Variants in RBPJ observed in about 807,000 individuals in gnomAD.
The protein encoded by RBPJ is recombining binding protein suppressor of hairless.
Under a neutral mutation model 67.8 loss-of-function variants are expected in RBPJ, and 9 were observed. That is an observed-to-expected ratio of 0.13 (90% CI 0.08 to 0.23). The LOEUF (loss-of-function observed/expected upper bound fraction) is 0.23. Among genes scored for constraint, RBPJ ranks in the 10% least tolerant of loss-of-function variants. The pLI is 1.00. For synonymous variants in RBPJ, 198 were observed against 203.3 expected (o/e 0.97, Z 0.22); for missense variants, 305 against 595.6 (o/e 0.51, Z 5.08).
At chr4:26,226,686 A>G (rs1438444921) in intron 1 of RBPJ, among the ~76,000 whole-genome samples, 1 of 152,182 alleles carries the variant, frequency 6.6e-6, no homozygotes, top group African/African-American at 2.4e-5. Flanking sequence ...TGCCTTAAAA[A>G]TGTGTTCACT....
intron 1 of RBPJ, among the ~76,000 whole-genome samples, chr4:26,250,363 A>C: frequency 1.7e-5 from 2 of 120,642 alleles, no homozygotes; most frequent in African/African-American, 3.3e-5. Context: ...ATGGAGTCTC[A>C]CTCTGTCACC....
intron 1 of RBPJ, among the ~76,000 whole-genome samples, chr4:26,363,553 C>T (rs1391386814): frequency 6.6e-6 from 1 of 152,206 alleles, no homozygotes; most frequent in African/African-American, 2.4e-5. Flanking sequence ...ATTCTCCTGT[C>T]TCAGCCTTCC....
chr4:26,205,164 A>G (rs558421663), intron 1 of RBPJ, among the ~76,000 whole-genome samples: 1 of 152,316 alleles, frequency 6.6e-6, no homozygotes, highest in African/African-American at 2.4e-5. Flanking sequence ...ACAGGCATGC[A>G]GTGACAGCTC....
chr4:26,196,880 G>A (rs2109148417), intron 1 of RBPJ, among the ~76,000 whole-genome samples: 1 of 152,212 alleles, frequency 6.6e-6, no homozygotes, highest in South Asian at 2.1e-4. Context: ...CTGTCATGGA[G>A]GCTTCTTCTT....
In RBPJ at chr4:26,424,497, C is replaced by T; in HGVS notation, c.634+18C>T. ...TCATCTCTGTGAGTATAAAAGTGTG[C>T]ATTTAATGTTTTTAGTGTGAAATTG... On this transcript the variant is annotated intron_variant, in intron 6 of 10. Coordinates refer to ENST00000355476, the MANE Select transcript of RBPJ (RefSeq NM_015874.6). This position sits in a 1 kb window ranked among gnomAD's most constrained non-coding sequence, Gnocchi z 5.3. 6.2e-7 allele frequency: 1 copy of T among 1,610,210 alleles called. No individual in the cohort carries two copies. The highest frequency in any genetic ancestry group is 8.5e-7 in the Non-Finnish European group (1 of 1,177,982).
intron 1 of RBPJ, among the ~76,000 whole-genome samples, chr4:26,313,008 A>T (rs1722487077): frequency 6.6e-6 from 1 of 152,108 alleles, no homozygotes. Context: ...TTGCAGCCTC[A>T]ACTTCAGGGT....
At chr4:26,378,486 A>G (rs1486436147) in intron 1 of RBPJ, among the ~76,000 whole-genome samples, 3 of 152,174 alleles carry the variant, frequency 2.0e-5, no homozygotes, top group Non-Finnish European at 4.4e-5. Context: ...GATTTAACCC[A>G]GGGGAATCCC....
intron 1 of RBPJ, among the ~76,000 whole-genome samples, chr4:26,267,750 G>A (rs1223164676): frequency 5.3e-5 from 8 of 152,026 alleles, no homozygotes; most frequent in Non-Finnish European, 1.2e-4. Context: ...TGGGACTACA[G>A]GCACGCACCA....
intron 1 of RBPJ, among the ~76,000 whole-genome samples, chr4:26,185,140 TAAA>T (rs60842821): frequency 1.1e-4 from 15 of 141,270 alleles, no homozygotes; most frequent in Non-Finnish European, 1.2e-4. Flanking sequence ...AGACTCTGTC[TAAA>T]AAAAAAAAAA....
intron 1 of RBPJ, among the ~76,000 whole-genome samples, chr4:26,329,777 A>C (rs1413689080): frequency 8.6e-5 from 13 of 151,926 alleles, no homozygotes; most frequent in Non-Finnish European, 1.9e-4. Flanking sequence ...GCCTGTAGTC[A>C]CAGCTACTTG....
intron 1 of RBPJ, among the ~76,000 whole-genome samples, chr4:26,348,699 G>GT (rs758995998): frequency 6.7e-6 from 1 of 149,320 alleles, no homozygotes; most frequent in Non-Finnish European, 1.5e-5. Context: ...TTTGATTTTT[G>GT]TTTTTTGTTT....
intron 1 of RBPJ, among the ~76,000 whole-genome samples, chr4:26,220,074 T>C (rs1280274979): frequency 6.6e-6 from 1 of 152,154 alleles, no homozygotes; most frequent in Admixed American, 6.5e-5. Flanking sequence ...TGAGCCACCC[T>C]GCCCAGCCAG....
chr4:26,343,065 G>A (rs1160378344), intron 1 of RBPJ: 1 of 152,186 alleles, frequency 6.6e-6, no homozygotes, highest in African/African-American at 2.4e-5. Context: ...AAACTGATGA[G>A]TTTCTACAAT....
At chr4:26,147,738 CTT>C in the RBPJ span, among the ~76,000 whole-genome samples, 2 of 152,086 alleles carry the variant, frequency 1.3e-5, no homozygotes, top group Non-Finnish European at 2.9e-5. Context: ...CCAAGAAAAA[CTT>C]TTTAAAAAGT....
chr4:26,423,092 T>C (rs1169414451), intron 5 of RBPJ, among the ~76,000 whole-genome samples: 2 of 152,320 alleles, frequency 1.3e-5, no homozygotes, highest in African/African-American at 4.8e-5. Flanking sequence ...TTTAATGTAT[T>C]TTCTGTAAAT....
chr4:26,282,249 A>G (rs923787072), intron 1 of RBPJ, among the ~76,000 whole-genome samples: 1 of 152,086 alleles, frequency 6.6e-6, no homozygotes, highest in African/African-American at 2.4e-5. Flanking sequence ...CCTTGAAAAA[A>G]AAATGTCCAT....
At position 26,231,704 on chromosome 4, in the gene RBPJ, G is replaced by A. The variant is rs1271202083; in HGVS notation, c.-167+68090G>A. Among the ~76,000 whole-genome samples the A allele has an allele frequency of 4.6e-5, 7 of 151,468 alleles. No individual in the cohort carries two copies. The East Asian group carries it at 5.8e-4, about 13-fold the overall frequency. ...TGGGATTACAGGCATGAGCCACGGC[G>A]CCCAGCCTATTTTTTTGTATTTTTA... On this transcript the variant is annotated intron_variant, in intron 1 of 4. Transcript: ENST00000512351.
intron 1 of RBPJ, among the ~76,000 whole-genome samples, chr4:26,330,619 C>T (rs1724136589): frequency 6.6e-6 from 1 of 152,152 alleles, no homozygotes; most frequent in Non-Finnish European, 1.5e-5. Context: ...AGAATGGAAG[C>T]TCAATGAAAT....
intron 3 of RBPJ, among the ~76,000 whole-genome samples, chr4:26,407,156 T>C (rs1369810253): frequency 2.6e-5 from 4 of 152,188 alleles, no homozygotes; most frequent in African/African-American, 9.7e-5. Context: ...TTCTTTTTGG[T>C]GGAAAATGTA....
Sources: allele counts gnomAD v4.1 joint callset (sites outside exome capture counted in the v4.1 genomes callset), GRCh38; gene constraint gnomAD v4.1.1; non-coding constraint Gnocchi (gnomAD v3.1); transcripts MANE v1.5; gene names NCBI Gene and HGNC (gene_info 2026-07-23, HGNC 2026-07-21).